N4BP2L2: variants seen among roughly 807,000 people sequenced by gnomAD.
N4BP2L2 encodes NEDD4-binding protein 2-like 2.
A neutral mutation model predicts 56.2 loss-of-function variants in N4BP2L2; 50 were observed. The observed-to-expected ratio is 0.89, with a 90% CI of 0.71 to 1.13. The LOEUF (loss-of-function observed/expected upper bound fraction) is 1.13. Ranked by LOEUF, N4BP2L2 falls within the 50% of genes most tolerant of loss-of-function variation. The pLI is 0.00. For missense variants in N4BP2L2, 689 were observed against 693.8 expected (o/e 0.99, Z 0.08); for synonymous variants, 203 against 223.6 (o/e 0.91, Z 0.82).
chr13:32,492,573 T>C (rs2087416978), intron 6 of N4BP2L2, among the ~76,000 whole-genome samples: 1 of 152,174 alleles, frequency 6.6e-6, no homozygotes. Flanking sequence ...TACCCTTTCA[T>C]ATGGCAAACT....
chr13:32,513,341 A>G (rs552726384), exon 6 of N4BP2L2: 30 of 152,348 alleles, frequency 2.0e-4, no homozygotes, highest in Middle Eastern at 6.8e-3. Context: ...AAAATGACAC[A>G]TAAGACAATC....
At chr13:32,443,648 T>C in exon 7 of N4BP2L2, 1 of 1,611,678 alleles carries the variant, frequency 6.2e-7, no homozygotes, top group Non-Finnish European at 8.5e-7. Context: ...CTAATATGCT[T>C]TTCTACCTTC....
intron 6 of N4BP2L2, among the ~76,000 whole-genome samples, chr13:32,492,727 C>A (rs1022595266): frequency 6.6e-6 from 1 of 151,966 alleles, no homozygotes; most frequent in Non-Finnish European, 1.5e-5. Context: ...CATTTCTAAA[C>A]CTTTTCAAAC....
At chr13:32,465,527 TACAC>T (rs2081070547) in intron 6 of N4BP2L2, among the ~76,000 whole-genome samples, 1 of 150,618 alleles carries the variant, frequency 6.6e-6, no homozygotes, top group African/African-American at 2.5e-5. Context: ...CACACAGTCA[TACAC>T]ACAGCCACAA....
intron 6 of N4BP2L2, among the ~76,000 whole-genome samples, chr13:32,501,403 A>G (rs936152378): frequency 4.6e-5 from 7 of 151,206 alleles, no homozygotes; most frequent in African/African-American, 1.7e-4. Flanking sequence ...TTGCCACATT[A>G]AGCTTGACAT....
At chr13:32,515,196 G>A (rs1237505607) in exon 6 of N4BP2L2, 1 of 151,562 alleles carries the variant, frequency 6.6e-6, no homozygotes, top group African/African-American at 2.4e-5. Flanking sequence ...TGTAATCTCA[G>A]CACTTTGGGA....
chr13:32,443,296 C>G (rs2076611231), exon 7 of N4BP2L2: 1 of 1,613,984 alleles, frequency 6.2e-7, no homozygotes, highest in Admixed American at 1.7e-5. Context: ...TTGCCCCCTG[C>G]TGTCAGGACC....
At chr13:32,464,540 T>C (rs2080872149) in intron 6 of N4BP2L2, among the ~76,000 whole-genome samples, 1 of 152,214 alleles carries the variant, frequency 6.6e-6, no homozygotes, top group Non-Finnish European at 1.5e-5. Context: ...AACCTCATTT[T>C]CTATTTCACT....
intron 6 of N4BP2L2, among the ~76,000 whole-genome samples, chr13:32,496,696 G>C (rs1593868741): frequency 6.6e-6 from 1 of 152,032 alleles, no homozygotes; most frequent in South Asian, 2.1e-4. Context: ...TTTTTTTAAA[G>C]AAGGTAAGTG....
intron 6 of N4BP2L2, among the ~76,000 whole-genome samples, chr13:32,467,047 G>T (rs929740220): frequency 1.3e-5 from 2 of 152,148 alleles, no homozygotes; most frequent in Admixed American, 6.5e-5. Context: ...ACACAAACTT[G>T]ATGTAGTAAA....
At chr13:32,509,555 G>C, downstream of N4BP2L2, among the ~76,000 whole-genome samples, 1 of 152,168 alleles carries the variant, frequency 6.6e-6, no homozygotes, top group Non-Finnish European at 1.5e-5. Flanking sequence ...GGACACAGTA[G>C]TGATCCAAAG....
At chr13:32,532,467 T>C (rs2140277289) in intron 2 of N4BP2L2, among the ~76,000 whole-genome samples, 1 of 152,234 alleles carries the variant, frequency 6.6e-6, no homozygotes, top group Middle Eastern at 3.4e-3. Flanking sequence ...TTTTCCAGAC[T>C]GACAATCAAA....
intron 7 of N4BP2L2, among the ~76,000 whole-genome samples, chr13:32,440,867 T>G (rs80036329): frequency 2.0e-5 from 3 of 151,158 alleles, no homozygotes; most frequent in African/African-American, 7.3e-5. Flanking sequence ...TTTTTTTTTT[T>G]GACAGGGAGT....
At chr13:32,478,644 G>A (rs914553472) in intron 6 of N4BP2L2, 4 of 152,420 alleles carry the variant, frequency 2.6e-5, no homozygotes, top group African/African-American at 9.6e-5. Flanking sequence ...AGTGATTTAT[G>A]AGAGACTTTC....
chr13:32,461,808 G>A (rs2080135438), intron 6 of N4BP2L2, among the ~76,000 whole-genome samples: 2 of 151,946 alleles, frequency 1.3e-5, no homozygotes, highest in Admixed American at 6.6e-5. Flanking sequence ...TCACTATGTT[G>A]CCAGGTTGGT....
chr13:32,483,990 G>GA (rs11424749), intron 6 of N4BP2L2, among the ~76,000 whole-genome samples: 56,533 of 118,672 alleles, frequency 0.48, 11,733 homozygotes, highest in African/African-American at 0.57. Flanking sequence ...ATCTAAAAAA[G>GA]AAAAAAAAAA....
chr13:32,475,671 T>G (rs748515104), intron 6 of N4BP2L2, among the ~76,000 whole-genome samples: 9 of 152,194 alleles, frequency 5.9e-5, no homozygotes, highest in Non-Finnish European at 1.3e-4. Flanking sequence ...TTGAACATGA[T>G]TGGCACGACT....
At chr13:32,435,454 G>A (rs1387832179) in intron 9 of N4BP2L2, among the ~76,000 whole-genome samples, 1 of 151,924 alleles carries the variant, frequency 6.6e-6, no homozygotes, top group Admixed American at 6.6e-5. Context: ...GGCTGGTCTC[G>A]AACTCCTGAC....
In N4BP2L2 at chr13:32,511,008, AAAT is replaced by A. The variant is rs965970947; in HGVS notation, c.*6791_*6793del. ...AAAAGATAACTATGTGGTTAAAAAAAAATAATACAGGGTTACAGTAGATACATG... is the reference window on the plus strand; with the variant it reads ...AAAAGATAACTATGTGGTTAAAAAAAAATACAGGGTTACAGTAGATACATG... On this transcript the variant is annotated 3_prime_UTR_variant, in exon 6 of 6. Coordinates refer to ENST00000267068, the Ensembl canonical transcript of N4BP2L2. 17 of 152,296 alleles carry A rather than the reference AAAT, an allele frequency of 1.1e-4. No individual in the cohort carries two copies. The South Asian group carries it at 1.5e-3, about 13-fold the overall frequency. 9.4% of individuals were successfully genotyped at this position (152,296 alleles called of 1,614,324 possible). A position where few individuals can be genotyped will look rare whatever the true frequency, so the allele number is the denominator to read the frequency against.
Sources: gnomAD v4.1 joint callset for allele counts (sites outside exome capture counted in the v4.1 genomes callset) on GRCh38, gnomAD v4.1.1 for gene constraint, MANE v1.5 for transcripts, NCBI Gene and HGNC (gene_info 2026-07-23, HGNC 2026-07-21) for gene names.